Variants in ACBD4 observed in about 807,000 individuals in gnomAD.
ACBD4 encodes the protein acyl-CoA-binding domain-containing protein 4.
Under a neutral mutation model 46.0 loss-of-function variants are expected in ACBD4, and 41 were observed. The observed-to-expected ratio is 0.89, with a 90% CI of 0.69 to 1.16. ACBD4 has a LOEUF of 1.16. Among genes scored for constraint, ACBD4 ranks in the 50% most tolerant of loss-of-function variants. The probability of loss-of-function intolerance (pLI) is 0.00; values close to 1 mark genes in which losing one functional copy is unlikely to be tolerated. For missense variants in ACBD4, 393 were observed against 399.5 expected, an observed-to-expected ratio of 0.98 and a Z score of 0.14; for synonymous variants, 162 against 155.9, an observed-to-expected ratio of 1.04 and a Z score of -0.29.
chr17:45,133,681 G>A (rs1385353989), upstream of ACBD4, among the ~76,000 whole-genome samples: 1 of 150,658 alleles, frequency 6.6e-6, no homozygotes, highest in South Asian at 2.1e-4. Context: ...ACAGGCGCCC[G>A]CCACTACGCC....
intron 2 of ACBD4, 67 bp from the exon 3 acceptor site, chr17:45,136,433 C>T (rs2054837461): frequency 1.9e-6 from 3 of 1,551,652 alleles, no homozygotes; most frequent in East Asian, 2.2e-5. Flanking sequence ...AAGCAGGGTT[C>T]TCCCGCCCCT....
intron 9 of ACBD4, among the ~76,000 whole-genome samples, chr17:45,141,193 C>T (rs2055248188): frequency 6.6e-6 from 1 of 152,224 alleles, no homozygotes; most frequent in South Asian, 2.1e-4. Context: ...CAGGCTAGGA[C>T]CACACATTGC....
intron 8 of ACBD4, 56 bp downstream of exon 8, chr17:45,138,044 C>A: frequency 6.6e-7 from 1 of 1,526,340 alleles, no homozygotes; most frequent in Non-Finnish European, 8.9e-7. Context: ...GTCCTGGCAC[C>A]CCAGGCTTTC....
At chr17:45,142,562 T>C (rs1442343410) in intron 9 of ACBD4, 1 of 264,690 alleles carries the variant, frequency 3.8e-6, no homozygotes, top group Non-Finnish European at 7.5e-6. Context: ...TTCTTTTTTT[T>C]TTTTTTTTTT....
rs760714336 is a variant in ACBD4 at position 45,137,319 on chromosome 17, A to T, written c.416-49A>T. The T allele has an allele frequency of 5.6e-6, 9 of 1,608,252 alleles. No individual in the cohort carries two copies. In the South Asian group the frequency reaches 9.9e-5, roughly 18 times the overall value. On this transcript the variant is annotated intron_variant, in intron 5 of 9. Transcript: ENST00000321854. ...CGAGTAGGGGCTTGATCACACTGGG[A>T]GGTGCCAGCCTCTCCCCAGGCCCAC...
chr17:45,142,389 C>CAAAAA (rs1161132274), intron 9 of ACBD4, among the ~76,000 whole-genome samples: 351 of 28,586 alleles, frequency 0.012, no homozygotes, highest in Non-Finnish European at 0.015. Flanking sequence ...CAAGACTCCT[C>CAAAAA]AAAAAAAAAA....
Position 45,136,710 on chromosome 17 carries a change from G to C in ACBD4, c.228G>C (p.Leu76=). 6.2e-7 allele frequency: 1 copy of C among 1,614,068 alleles called. No homozygotes were observed. Among genetic ancestry groups the C allele is most frequent in the Non-Finnish European group, 8.5e-7 (1 of 1,180,024 alleles). The change falls in exon 4 of 10, where the codon CTG becomes CTC. Residue 76 remains leucine (L), a synonymous_variant. Coordinates refer to ENST00000321854, the MANE Select transcript of ACBD4 (RefSeq NM_001135705.3). The part of the protein sequence containing the change: ...GRYKWDAWNS[L]GKMSREEAMS... ...CCCCCAGGGACGCCTGGAACAGTCT[G>C]GGCAAGATGAGCAGGGAGGAGGCCA...
upstream of ACBD4, among the ~76,000 whole-genome samples, chr17:45,133,633 G>A (rs796315269): frequency 1.5e-3 from 203 of 133,116 alleles, no homozygotes; most frequent in African/African-American, 5.3e-3. Flanking sequence ...CCGGGTTCAC[G>A]CCATTCTCCT....
upstream of ACBD4, chr17:45,132,238 C>A (rs760794046): frequency 8.7e-6 from 11 of 1,269,130 alleles, no homozygotes; most frequent in East Asian, 3.0e-5. This position sits in a 1 kb window ranked among gnomAD's most constrained non-coding sequence, Gnocchi z 4.6. Context: ...GCCCCTTGCC[C>A]GTCACTGACC....
At chr17:45,136,652 T>C in intron 3 of ACBD4, 32 bp downstream of exon 3, 1 of 1,613,940 alleles carries the variant, frequency 6.2e-7, no homozygotes, top group Non-Finnish European at 8.5e-7. Context: ...CAGACAAGCC[T>C]CAGCTGTCAA....
At position 45,139,182 on chromosome 17, in the gene ACBD4, G is replaced by C. The variant is rs1472640427; in HGVS notation, c.789+22G>C. 1.9e-6 allele frequency: 3 copies of C among 1,612,076 alleles called. No homozygotes were observed. In the East Asian group the frequency reaches 6.7e-5, roughly 36 times the overall value. On this transcript the variant is annotated intron_variant, in intron 9 of 9. Transcript: ENST00000321854. ...GCAGGTAGAGTCCCCCACCCCATAG[G>C]ACAAGATGATGGCAGAATCCGGTCT...
At chr17:45,132,312 C>T, upstream of ACBD4, 1 of 1,251,842 alleles carries the variant, frequency 8.0e-7, no homozygotes, top group African/African-American at 1.5e-5. The surrounding 1 kb of genome is among the most constrained non-coding windows in gnomAD (Gnocchi z 4.6). Context: ...TCGGCGGGGA[C>T]GGGAGAGCGA....
At chr17:45,136,350 C>T in intron 2 of ACBD4, 118 bp downstream of exon 2, 1 of 1,491,134 alleles carries the variant, frequency 6.7e-7, no homozygotes. Context: ...CTGGGCTGTC[C>T]TGGGGGTTCC....
At position 45,136,684 on chromosome 17, in the gene ACBD4, G is replaced by T. The variant is rs1368489928; in HGVS notation, c.210-8G>T. ...TCAAGCAGCCCTCTCACAGCCCTCTGCCCCCAGGGACGCCTGGAACAGTCT... is the reference window on the plus strand; with the variant it reads ...TCAAGCAGCCCTCTCACAGCCCTCTTCCCCCAGGGACGCCTGGAACAGTCT... On this transcript the variant is annotated splice_polypyrimidine_tract_variant and splice_region_variant and intron_variant, in intron 3 of 9. Coordinates refer to ENST00000321854, the MANE Select transcript of ACBD4 (RefSeq NM_001135705.3). 1.7e-5 allele frequency: 28 copies of T among 1,614,118 alleles called. No individual in the cohort carries two copies. The highest frequency in any genetic ancestry group is 1.6e-4 in the African/African-American group (12 of 75,058).
upstream of ACBD4, among the ~76,000 whole-genome samples, chr17:45,133,846 G>C (rs574613401): frequency 6.6e-6 from 1 of 151,936 alleles, no homozygotes; most frequent in South Asian, 2.1e-4. Context: ...TTTTCTTCTT[G>C]ATTATCGTAT....
Position 45,143,583 on chromosome 17 carries a change from G to A in ACBD4, c.*12G>A. ...CCCAAAAGAGGTGACTGTCAGTGGA[G>A]GGGTCTCTGCAGCCAACTGAGACTA... On this transcript the variant is annotated 3_prime_UTR_variant, in exon 10 of 10. Transcript: ENST00000321854. The A allele has an allele frequency of 6.2e-7, 1 of 1,614,010 alleles. No individual in the cohort carries two copies. Among genetic ancestry groups the A allele is most frequent in the Non-Finnish European group, 8.5e-7 (1 of 1,180,002 alleles).
Position 45,137,832 on chromosome 17 carries a change from T to G in ACBD4, c.573+2T>G, listed in dbSNP as rs1392108115. 6.2e-7 allele frequency: 1 copy of G among 1,613,746 alleles called. No homozygotes were observed. The highest frequency in any genetic ancestry group is 1.7e-5 in the Admixed American group (1 of 60,018). The stretch of plus-strand genomic sequence containing the variant: ...CTGGAGCAGCTGGAGCCTGAGCTGG[T>G]GAGCCCAGTCCCCATTCCCCCCTTT... On this transcript the variant is annotated splice_donor_variant, in intron 7 of 9. Coordinates refer to ENST00000321854, the MANE Select transcript of ACBD4 (RefSeq NM_001135705.3). LOFTEE classifies it high-confidence loss of function.
In ACBD4 at chr17:45,136,170, A is replaced by T. The variant is rs1324521224; in HGVS notation, c.26A>T (p.Glu9Val). 1 of 1,613,642 alleles carries T rather than the reference A, an allele frequency of 6.2e-7. No homozygotes were observed. Among genetic ancestry groups the T allele is most frequent in the Non-Finnish European group, 8.5e-7 (1 of 1,179,844 alleles). ...ATGGGCACCGAGAAAGAAAGCCCAG[A>T]GCCCGACTGCCAGAAACAGTTCCAG... The part of the protein sequence containing the change: MGTEKESP[E>V]PDCQKQFQAA... Residue 9 changes from glutamate to valine, a missense_variant, in exon 2 of 10, where the codon GAG (glutamate) becomes GTG (valine). Physicochemically the swap from Glu to Val is moderately radical, Grantham distance 121 (BLOSUM62 -2). Coordinates refer to ENST00000321854, the MANE Select transcript of ACBD4 (RefSeq NM_001135705.3).
At chr17:45,132,504 C>A, upstream of ACBD4, 1 of 704,996 alleles carries the variant, frequency 1.4e-6, no homozygotes, top group Non-Finnish European at 1.8e-6. This position sits in a 1 kb window ranked among gnomAD's most constrained non-coding sequence, Gnocchi z 4.6. Flanking sequence ...CTGAGCGAGG[C>A]GGCGAGCGAA....
Sources: allele counts gnomAD v4.1 joint callset (sites outside exome capture counted in the v4.1 genomes callset), GRCh38; gene constraint gnomAD v4.1.1; non-coding constraint Gnocchi (gnomAD v3.1); transcripts MANE v1.5; gene names NCBI Gene and HGNC (gene_info 2026-07-23, HGNC 2026-07-21).